Variants in NCK2 observed in about 807,000 individuals in gnomAD.
NCK2 encodes cytoplasmic protein NCK2.
In NCK2, 16 loss-of-function variants were observed where a neutral mutation model predicts 33.9. The observed-to-expected ratio is 0.47, with a 90% CI of 0.32 to 0.72. The LOEUF (loss-of-function observed/expected upper bound fraction) is 0.72. Among genes scored for constraint, NCK2 ranks in the 30% least tolerant of loss-of-function variants. The pLI, the probability that NCK2 is intolerant of heterozygous loss-of-function variation, is 0.03. For synonymous variants in NCK2, 273 were observed against 239.9 expected (o/e 1.14, Z -1.27); for missense variants, 418 against 537.3 (o/e 0.78, Z 2.19).
At chr2:105,792,109 C>A (rs1263649603) in intron 1 of NCK2, among the ~76,000 whole-genome samples, 1 of 152,130 alleles carries the variant, frequency 6.6e-6, no homozygotes, top group Non-Finnish European at 1.5e-5. Context: ...TTTTGGAGAC[C>A]CCTCCTGCTC....
chr2:105,791,188 A>G (rs1325505679), intron 1 of NCK2, among the ~76,000 whole-genome samples: 1 of 152,220 alleles, frequency 6.6e-6, no homozygotes, highest in African/African-American at 2.4e-5. Context: ...TGACAGCGGA[A>G]GATCTCTAAT....
chr2:105,866,242 A>G (rs1038801647), intron 3 of NCK2, among the ~76,000 whole-genome samples: 2 of 152,210 alleles, frequency 1.3e-5, no homozygotes, highest in African/African-American at 4.8e-5. Flanking sequence ...TTTGGAAACT[A>G]TAGAAAAGCA....
intron 1 of NCK2, among the ~76,000 whole-genome samples, chr2:105,752,885 A>G (rs1689496337): frequency 1.3e-5 from 2 of 152,240 alleles, no homozygotes; most frequent in Admixed American, 1.3e-4. Context: ...TAAAGTGAAC[A>G]TTAGCTTCTC....
chr2:105,784,556 T>C (rs1168276151), intron 1 of NCK2, among the ~76,000 whole-genome samples: 1 of 152,232 alleles, frequency 6.6e-6, no homozygotes, highest in Admixed American at 6.5e-5. Context: ...TAGAGATGTA[T>C]TCAGGTCTTT....
chr2:105,789,224 A>G (rs991404782), intron 1 of NCK2, among the ~76,000 whole-genome samples: 4 of 151,874 alleles, frequency 2.6e-5, no homozygotes, highest in Admixed American at 6.6e-5. Context: ...GTCTTACCCT[A>G]TTGACCAGGC....
intron 3 of NCK2, among the ~76,000 whole-genome samples, chr2:105,874,213 A>G (rs1322919222): frequency 6.6e-6 from 1 of 152,218 alleles, no homozygotes; most frequent in African/African-American, 2.4e-5. Context: ...CGTACTCTGA[A>G]TAGTGGAAGC....
intron 2 of NCK2, among the ~76,000 whole-genome samples, chr2:105,835,886 A>G (rs1364356244): frequency 2.0e-5 from 3 of 151,658 alleles, no homozygotes; most frequent in Non-Finnish European, 4.4e-5. Flanking sequence ...ATGTTCAGAA[A>G]TTCTTTCTTC....
chr2:105,824,827 C>G (rs1675880783), intron 2 of NCK2, among the ~76,000 whole-genome samples: 1 of 152,134 alleles, frequency 6.6e-6, no homozygotes, highest in African/African-American at 2.4e-5. Flanking sequence ...GTAACACAGA[C>G]CTGGTTGCCA....
intron 2 of NCK2, among the ~76,000 whole-genome samples, chr2:105,830,080 A>T (rs890551832): frequency 7.2e-5 from 11 of 152,126 alleles, no homozygotes; most frequent in Non-Finnish European, 1.5e-5. Flanking sequence ...TCCCTCAAAC[A>T]TTTATTTTCT....
chr2:105,752,681 C>T (rs1314636943), intron 1 of NCK2, among the ~76,000 whole-genome samples: 1 of 152,154 alleles, frequency 6.6e-6, no homozygotes, highest in Non-Finnish European at 1.5e-5. Flanking sequence ...TCTCATCATC[C>T]ACCCCTTCCT....
At chr2:105,834,152 G>A (rs895552683) in intron 2 of NCK2, among the ~76,000 whole-genome samples, 5 of 152,214 alleles carry the variant, frequency 3.3e-5, no homozygotes, top group Non-Finnish European at 7.3e-5. Context: ...TCTGTTAGGT[G>A]AGTTTGATAC....
At chr2:105,768,704 T>C (rs1362017081) in intron 1 of NCK2, among the ~76,000 whole-genome samples, 1 of 152,128 alleles carries the variant, frequency 6.6e-6, no homozygotes, top group Non-Finnish European at 1.5e-5. Context: ...TCAGCTGCAG[T>C]TAATGTTAGT....
chr2:105,843,854 A>C (rs1676744227), intron 2 of NCK2, among the ~76,000 whole-genome samples: 1 of 152,208 alleles, frequency 6.6e-6, no homozygotes, highest in Non-Finnish European at 1.5e-5. Context: ...CCCACCCTTA[A>C]GCGTGGGCTG....
intron 1 of NCK2, among the ~76,000 whole-genome samples, chr2:105,761,434 G>A (rs887363882): frequency 2.6e-5 from 4 of 152,142 alleles, no homozygotes; most frequent in African/African-American, 9.7e-5. Flanking sequence ...GTGATGGGAC[G>A]ATTCCAGGCT....
chr2:105,812,277 G>A (rs1309606745), intron 1 of NCK2, among the ~76,000 whole-genome samples: 1 of 152,094 alleles, frequency 6.6e-6, no homozygotes, highest in Admixed American at 6.5e-5. Flanking sequence ...TCATCTCCTT[G>A]GACACCTTTG....
rs942489862 is a variant in NCK2, at chr2:105,894,082, G to T, written c.*906G>T. On this transcript the variant is annotated 3_prime_UTR_variant, in exon 5 of 5. Transcript: ENST00000233154. ...GGGTTTACAAAAGAGTATGTGATTGGTAGTAAGAGACACACAGAATGTTTA... is the reference window on the plus strand; with the variant it reads ...GGGTTTACAAAAGAGTATGTGATTGTTAGTAAGAGACACACAGAATGTTTA... 4 of 152,280 alleles carry T rather than the reference G, an allele frequency of 2.6e-5. No homozygotes were observed. The highest frequency in any genetic ancestry group is 9.7e-5 in the African/African-American group (4 of 41,340). The allele number at this position is 152,280 out of a possible 1,614,324, so 9.4% of individuals were successfully genotyped here. A position where few individuals can be genotyped will look rare whatever the true frequency, so the allele number is the denominator to read the frequency against.
At chr2:105,824,349 TA>T (rs1323360590) in intron 2 of NCK2, among the ~76,000 whole-genome samples, 1 of 152,226 alleles carries the variant, frequency 6.6e-6, no homozygotes, top group African/African-American at 2.4e-5. Flanking sequence ...AGACTTGTTT[TA>T]TTTAGTGCCT....
rs1674733071 is a variant in NCK2 at position 105,799,566 on chromosome 2, G to A, written c.-200-16864G>A. Among the ~76,000 whole-genome samples the A allele has an allele frequency of 3.3e-5, 5 of 152,132 alleles. No homozygotes were observed. In the South Asian group the frequency reaches 8.3e-4, roughly 25 times the overall value. On this transcript the variant is annotated intron_variant, in intron 1 of 4. Coordinates refer to ENST00000233154, the MANE Select transcript of NCK2 (RefSeq NM_003581.5). ...CTGCTTCCTAGTGTTTCGTTAGTCT[G>A]TCTATCTGCCACACCAAACACGAGC...
At chr2:105,753,344 C>T (rs1434288433) in intron 1 of NCK2, among the ~76,000 whole-genome samples, 4 of 152,180 alleles carry the variant, frequency 2.6e-5, no homozygotes, top group African/African-American at 7.2e-5. Context: ...CCTGGCTGCT[C>T]CTCTCCCCCA....
Sources: allele counts gnomAD v4.1 joint callset (sites outside exome capture counted in the v4.1 genomes callset), GRCh38; gene constraint gnomAD v4.1.1; transcripts MANE v1.5; gene names NCBI Gene and HGNC (gene_info 2026-07-23, HGNC 2026-07-21).